The following TNPO1 variants were observed in gnomAD, a reference collection of about 807,000 sequenced individuals.
TNPO1 encodes the protein transportin-1.
TNPO1 carries 8 observed loss-of-function variants against 119.5 expected under a neutral mutation model. The ratio of observed to expected loss-of-function variants is 0.07; its 90% CI spans 0.04 to 0.12. The LOEUF is 0.12. TNPO1 is among the 10% of genes least tolerant of loss of function. TNPO1 has a pLI of 1.00. For synonymous variants in TNPO1, 362 were observed against 363.0 expected, an observed-to-expected ratio of 1.00 and a Z score of 0.03; for missense variants, 576 against 1,089.8, an observed-to-expected ratio of 0.53 and a Z score of 6.64.
intron 6 of TNPO1, chr5:72,871,965 A>G (rs540161518): frequency 6.6e-6 from 1 of 152,248 alleles, no homozygotes; most frequent in African/African-American, 2.4e-5. Context: ...CATGTGGCCC[A>G]TAAAGCTTAA....
intron 1 of TNPO1, among the ~76,000 whole-genome samples, chr5:72,828,556 T>C (rs1744308214): frequency 6.6e-6 from 1 of 152,104 alleles, no homozygotes; most frequent in South Asian, 2.1e-4. Context: ...CATTTGAGAG[T>C]AGGCTGCATA....
chr5:72,887,649 C>T (rs1315622112), intron 12 of TNPO1, among the ~76,000 whole-genome samples: 2 of 152,184 alleles, frequency 1.3e-5, no homozygotes, highest in Non-Finnish European at 2.9e-5. Flanking sequence ...CGTGCGATTG[C>T]ACTCCAGCCT....
chr5:72,850,421 C>G (rs1289867568), intron 2 of TNPO1, among the ~76,000 whole-genome samples: 1 of 152,104 alleles, frequency 6.6e-6, no homozygotes, highest in Non-Finnish European at 1.5e-5. Context: ...TGAGGGTATT[C>G]AAATATGTAA....
At chr5:72,836,311 G>A (rs557371709) in intron 1 of TNPO1, among the ~76,000 whole-genome samples, 3 of 152,288 alleles carry the variant, frequency 2.0e-5, no homozygotes, top group Admixed American at 6.5e-5. Flanking sequence ...TCAAATCTAG[G>A]TGAGGTAACA....
chr5:72,864,796 A>G (rs1746756165), intron 5 of TNPO1, among the ~76,000 whole-genome samples: 1 of 151,874 alleles, frequency 6.6e-6, no homozygotes, highest in South Asian at 2.1e-4. Flanking sequence ...TTTAGTAGAG[A>G]CAGGGTTTCA....
At chr5:72,824,137 T>C (rs1217736769) in intron 1 of TNPO1, among the ~76,000 whole-genome samples, 1 of 152,238 alleles carries the variant, frequency 6.6e-6, no homozygotes, top group African/African-American at 2.4e-5. Context: ...TATTCTTGTC[T>C]GCCTTTGTAC....
intron 2 of TNPO1, among the ~76,000 whole-genome samples, chr5:72,850,972 C>A (rs1466147753): frequency 1.3e-5 from 2 of 151,714 alleles, no homozygotes; most frequent in Non-Finnish European, 2.9e-5. Flanking sequence ...ATATTTTTTG[C>A]TATATTGAGC....
chr5:72,835,941 G>T (rs1156364511), intron 1 of TNPO1, among the ~76,000 whole-genome samples: 1 of 152,186 alleles, frequency 6.6e-6, no homozygotes, highest in Non-Finnish European at 1.5e-5. Flanking sequence ...AAATCTTAAG[G>T]CTCCAGAATA....
At chr5:72,856,541 C>G (rs1366645565) in intron 4 of TNPO1, among the ~76,000 whole-genome samples, 1 of 152,098 alleles carries the variant, frequency 6.6e-6, no homozygotes, top group Non-Finnish European at 1.5e-5. Flanking sequence ...CTTGGAGTTC[C>G]TATTTTCTGC....
In TNPO1 at chr5:72,893,635, G is replaced by A. The variant is rs773952574; in HGVS notation, c.2075G>A (p.Arg692Gln). ...QCMQDKMPEV[R>Q]QSSFALLGDL... is the part of the protein sequence containing the mutation. Reference sequence around the variant, plus strand: ...TTGTAGGATAAAATGCCAGAAGTTCGACAGAGTTCTTTTGCCCTGTTAGGT... The same window carrying A: ...TTGTAGGATAAAATGCCAGAAGTTCAACAGAGTTCTTTTGCCCTGTTAGGT... The change falls in exon 18 of 25, where the codon CGA becomes CAA. Residue 692 changes from arginine (R) to glutamine (Q), a missense_variant. Arg to Gln is a conservative substitution (Grantham distance 43, BLOSUM62 1). Around this residue, in one of 6 missense-constraint regions of TNPO1, gnomAD observed 162 missense variants for 294.1 expected, o/e 0.55. Coordinates refer to ENST00000337273, the MANE Select transcript of TNPO1 (RefSeq NM_002270.4). 4 of 1,614,210 alleles carry A rather than the reference G, an allele frequency of 2.5e-6. No individual in the cohort carries two copies. Among genetic ancestry groups the A allele is most frequent in the East Asian group, 4.5e-5 (2 of 44,890 alleles).
In TNPO1 at chr5:72,908,800, A is replaced by G. The variant is rs1750355893; in HGVS notation, c.*127A>G. On this transcript the variant is annotated 3_prime_UTR_variant, in exon 25 of 25. Transcript: ENST00000337273. ...GGAAGGGTAAACCAGTAGGGAATACAGTACAATCCCAACCCTACTGGGAGG... is the reference window on the plus strand; with the variant it reads ...GGAAGGGTAAACCAGTAGGGAATACGGTACAATCCCAACCCTACTGGGAGG... 7.7e-6 allele frequency: 3 copies of G among 389,112 alleles called. No individual in the cohort carries two copies. Among genetic ancestry groups the G allele is most frequent in the South Asian group, 5.6e-5 (3 of 53,406 alleles). The allele number at this position is 389,112 out of a possible 1,614,324, so 24.1% of individuals were successfully genotyped here. A position where few individuals can be genotyped will look rare whatever the true frequency, so the allele number is the denominator to read the frequency against.
Position 72,903,801 on chromosome 5 carries a change from A to G in TNPO1, c.2589+18A>G, listed in dbSNP as rs552720076. On this transcript the variant is annotated intron_variant, in intron 23 of 24. Coordinates refer to ENST00000337273, the MANE Select transcript of TNPO1 (RefSeq NM_002270.4). ...TCTGTAAGGTAACTAATAAGTCTTT[A>G]TAATGCATCATCTTGAGACTGTTAA... 2.0e-6 allele frequency: 3 copies of G among 1,497,992 alleles called. No homozygotes were observed. Among genetic ancestry groups the G allele is most frequent in the Admixed American group, 3.7e-5 (2 of 54,376 alleles). The allele number at this position is 1,497,992 out of a possible 1,614,324, so 92.8% of individuals were successfully genotyped here.
At chr5:72,857,470 A>G (rs1337221841) in intron 4 of TNPO1, among the ~76,000 whole-genome samples, 1 of 152,206 alleles carries the variant, frequency 6.6e-6, no homozygotes, top group Admixed American at 6.5e-5. Context: ...GGTAGAGGAC[A>G]TTTGTGGTTT....
Position 72,855,931 on chromosome 5 carries a change from A to G in TNPO1, c.355+8A>G, listed in dbSNP as rs116204058. On this transcript the variant is annotated splice_region_variant and intron_variant, in intron 4 of 24. Coordinates refer to ENST00000337273, the MANE Select transcript of TNPO1 (RefSeq NM_002270.4). ...TGATTAGAGCCACTGTTGGTAAGTT[A>G]TATTACAACAGTTTTGCTTACTTTG... The G allele has an allele frequency of 1.2e-3, 1,875 of 1,612,512 alleles. 17 individuals carry two copies. The African/African-American group carries it at 0.022, about 19-fold the overall frequency.
intron 24 of TNPO1, among the ~76,000 whole-genome samples, chr5:72,908,331 A>G (rs1369775910): frequency 6.6e-6 from 1 of 152,222 alleles, no homozygotes; most frequent in Non-Finnish European, 1.5e-5. Flanking sequence ...CTTTATTTTT[A>G]AGAAAGTAAG....
Position 72,913,410 on chromosome 5 carries a change from A to G in TNPO1, c.*4737A>G, listed in dbSNP as rs1031214589. On this transcript the variant is annotated 3_prime_UTR_variant, in exon 25 of 25. Transcript: ENST00000337273. ...ATACATTTAAATTACACAATTGTTCATTGTGGTTTGTATCCCAGAATGTGT... is the reference window on the plus strand; with the variant it reads ...ATACATTTAAATTACACAATTGTTCGTTGTGGTTTGTATCCCAGAATGTGT... 2 of 152,352 alleles carry G rather than the reference A, an allele frequency of 1.3e-5. No individual in the cohort carries two copies. Among genetic ancestry groups the G allele is most frequent in the African/African-American group, 4.8e-5 (2 of 41,430 alleles). 9.4% of individuals were successfully genotyped at this position (152,352 alleles called of 1,614,324 possible). A position where few individuals can be genotyped will look rare whatever the true frequency, so the allele number is the denominator to read the frequency against.
At chr5:72,882,855 C>T (rs1217900104) in intron 10 of TNPO1, among the ~76,000 whole-genome samples, 1 of 152,020 alleles carries the variant, frequency 6.6e-6, no homozygotes, top group African/African-American at 2.4e-5. Flanking sequence ...CTGAAAGGGC[C>T]GTATAACCTA....
At chr5:72,882,066 A>G (rs1308804254) in intron 9 of TNPO1, among the ~76,000 whole-genome samples, 1 of 152,188 alleles carries the variant, frequency 6.6e-6, no homozygotes, top group East Asian at 1.9e-4. Context: ...ATCAGTGATT[A>G]ACTGTTAGTG....
At chr5:72,819,676 T>C (rs960730841) in intron 1 of TNPO1, among the ~76,000 whole-genome samples, 1 of 152,220 alleles carries the variant, frequency 6.6e-6, no homozygotes, top group African/African-American at 2.4e-5. Context: ...TTGGGATTGA[T>C]ATATGCCTTT....
Sources: gnomAD v4.1 joint callset for allele counts (sites outside exome capture counted in the v4.1 genomes callset) on GRCh38, gnomAD v4.1.1 for gene constraint, gnomAD v4.1.1 regional missense constraint, MANE v1.5 for transcripts, NCBI Gene and HGNC (gene_info 2026-07-23, HGNC 2026-07-21) for gene names.